Variants in CADM2 observed in about 807,000 individuals in gnomAD.
The protein encoded by CADM2 is cell adhesion molecule 2.
Under a neutral mutation model 49.8 loss-of-function variants are expected in CADM2, and 12 were observed. The observed-to-expected ratio is 0.24, with a 90% CI of 0.15 to 0.39. The LOEUF is 0.39. CADM2 is among the 10% of genes least tolerant of loss of function. The pLI is 1.00. For missense variants in CADM2, 378 were observed against 492.3 expected (o/e 0.77, Z 2.20); for synonymous variants, 214 against 175.4 (o/e 1.22, Z -1.74).
intron 8 of CADM2, among the ~76,000 whole-genome samples, chr3:86,046,481 A>T (rs974558222): frequency 3.9e-5 from 6 of 152,112 alleles, no homozygotes; most frequent in Admixed American, 6.6e-5. Flanking sequence ...CCCAAGAGAC[A>T]TGTGGCAATG....
At chr3:85,474,449 A>G (rs1346026641) in intron 1 of CADM2, among the ~76,000 whole-genome samples, 2 of 151,898 alleles carry the variant, frequency 1.3e-5, no homozygotes, top group African/African-American at 4.8e-5. Context: ...CTCCCAGTCT[A>G]CCTATTGAGA....
intron 8 of CADM2, among the ~76,000 whole-genome samples, chr3:86,035,579 G>A (rs1371378078): frequency 6.6e-6 from 1 of 152,106 alleles, no homozygotes; most frequent in Non-Finnish European, 1.5e-5. Flanking sequence ...CTAACATTAG[G>A]CTCAGGATCT....
intron 1 of CADM2, among the ~76,000 whole-genome samples, chr3:85,341,197 A>C (rs1363041973): frequency 4.6e-5 from 7 of 151,806 alleles, no homozygotes; most frequent in African/African-American, 1.7e-4. Flanking sequence ...TTAATCTGAT[A>C]ATTAAGAATC....
intron 1 of CADM2, among the ~76,000 whole-genome samples, chr3:85,176,300 A>G (rs755074328): frequency 3.3e-5 from 5 of 152,182 alleles, no homozygotes; most frequent in Non-Finnish European, 7.3e-5. Flanking sequence ...TATTATCTAT[A>G]GATTTATATC....
intron 1 of CADM2, among the ~76,000 whole-genome samples, chr3:85,461,722 G>A (rs2038255033): frequency 6.6e-6 from 1 of 152,026 alleles, no homozygotes; most frequent in Admixed American, 6.6e-5. Context: ...TACCAGAAAA[G>A]AATCTTGCTA....
chr3:84,993,117 C>T (rs1230705694), intron 1 of CADM2, among the ~76,000 whole-genome samples: 3 of 151,924 alleles, frequency 2.0e-5, no homozygotes, highest in Admixed American at 6.6e-5. Context: ...CTAAGGAGTC[C>T]TTTCATTACC....
intron 1 of CADM2, among the ~76,000 whole-genome samples, chr3:85,062,835 C>T (rs967941684): frequency 6.6e-6 from 1 of 151,908 alleles, no homozygotes; most frequent in Non-Finnish European, 1.5e-5. Flanking sequence ...TTTAAAATTA[C>T]ATCTCAGCCT....
At chr3:85,063,620 G>A (rs959977342) in intron 1 of CADM2, among the ~76,000 whole-genome samples, 2 of 152,016 alleles carry the variant, frequency 1.3e-5, no homozygotes, top group Admixed American at 1.3e-4. Context: ...AATTTCAGTG[G>A]GCTCTCTTAT....
chr3:85,048,990 G>GA (rs2035773405), intron 1 of CADM2, among the ~76,000 whole-genome samples: 1 of 152,092 alleles, frequency 6.6e-6, no homozygotes, highest in Non-Finnish European at 1.5e-5. Context: ...TTTATTAGGG[G>GA]AAAAATAATG....
Position 85,144,814 on chromosome 3 carries a change from G to A in CADM2, c.61+185146G>A, listed in dbSNP as rs532145648. Among the ~76,000 whole-genome samples the A allele has an allele frequency of 1.1e-4, 16 of 151,914 alleles. 1 individual carries two copies. The South Asian group carries it at 3.3e-3, about 32-fold the overall frequency. On this transcript the variant is annotated intron_variant, in intron 1 of 9. Coordinates refer to ENST00000383699, the MANE Select transcript of CADM2 (RefSeq NM_001167675.2). ...ATCAATTTCAGACATCATAATTACT[G>A]GTAAAAATTACAAGATAGATAAATA...
intron 1 of CADM2, among the ~76,000 whole-genome samples, chr3:85,009,905 AAAT>A (rs1559614920): frequency 6.8e-6 from 1 of 147,348 alleles, no homozygotes; most frequent in Non-Finnish European, 1.5e-5. Flanking sequence ...ATAAATAAAT[AAAT>A]ATTTTAAAAA....
intron 1 of CADM2, among the ~76,000 whole-genome samples, chr3:85,711,632 C>G (rs1464207566): frequency 6.6e-6 from 1 of 152,052 alleles, no homozygotes; most frequent in Non-Finnish European, 1.5e-5. Flanking sequence ...TTGAAAACAT[C>G]TTTCCTTCAA....
intron 1 of CADM2, among the ~76,000 whole-genome samples, chr3:85,668,614 C>A (rs1167023259): frequency 6.6e-6 from 1 of 152,052 alleles, no homozygotes; most frequent in Non-Finnish European, 1.5e-5. Flanking sequence ...TTTCCCTGGA[C>A]AAGCTTTCTC....
intron 3 of CADM2, among the ~76,000 whole-genome samples, chr3:85,822,747 T>C (rs2073666620): frequency 6.6e-6 from 1 of 152,164 alleles, no homozygotes; most frequent in African/African-American, 2.4e-5. Context: ...CAACTCAGGA[T>C]CCATGAATTT....
intron 1 of CADM2, among the ~76,000 whole-genome samples, chr3:85,695,879 G>A (rs538543992): frequency 1.2e-4 from 19 of 152,138 alleles, no homozygotes; most frequent in South Asian, 2.1e-4. Flanking sequence ...AACCAGCAGC[G>A]TATAAGCATT....
At chr3:85,992,407 T>A (rs2108708047) in intron 8 of CADM2, 1 of 152,246 alleles carries the variant, frequency 6.6e-6, no homozygotes, top group South Asian at 2.1e-4. Context: ...TTTCTAAATT[T>A]ATAAGAATAA....
intron 1 of CADM2, among the ~76,000 whole-genome samples, chr3:85,720,383 C>T (rs2067456016): frequency 6.6e-6 from 1 of 152,112 alleles, no homozygotes. Flanking sequence ...GTAATCATTG[C>T]CTAAATATGA....
chr3:85,509,296 T>C lies in CADM2; in HGVS notation c.62-217226T>C, dbSNP rs369874734. On this transcript the variant is annotated intron_variant, in intron 1 of 9. Coordinates refer to ENST00000383699, the MANE Select transcript of CADM2 (RefSeq NM_001167675.2). The stretch of plus-strand genomic sequence containing the variant: ...TATAGTAGGGGAAAGTAGAAATTGT[T>C]ATGAACTATTTTGACACAGGGTTTC... Among the ~76,000 whole-genome samples, 7 of 152,240 alleles carry C rather than the reference T, an allele frequency of 4.6e-5. No individual in the cohort carries two copies. The South Asian group carries it at 1.0e-3, about 23-fold the overall frequency.
At chr3:85,446,597 G>GTTTTTTTTTTT (rs1447208577) in intron 1 of CADM2, among the ~76,000 whole-genome samples, 1 of 107,610 alleles carries the variant, frequency 9.3e-6, no homozygotes, top group Non-Finnish European at 2.1e-5. Flanking sequence ...AGTTTTTTTT[G>GTTTTTTTTTTT]TTTTTTGTTT....
Sources: gnomAD v4.1 joint callset for allele counts (sites outside exome capture counted in the v4.1 genomes callset) on GRCh38, gnomAD v4.1.1 for gene constraint, MANE v1.5 for transcripts, NCBI Gene and HGNC (gene_info 2026-07-23, HGNC 2026-07-21) for gene names.